The following RICTOR variants were observed in gnomAD, a reference collection of about 807,000 sequenced individuals.
RICTOR encodes the protein RPTOR independent companion of MTOR complex 2, also known as rapamycin-insensitive companion of mTOR.
In RICTOR, 49 loss-of-function variants were observed where a neutral mutation model predicts 214.9. The ratio of observed to expected loss-of-function variants is 0.23; its 90% CI spans 0.18 to 0.29. The LOEUF (loss-of-function observed/expected upper bound fraction) is 0.29, where lower values mean the gene tolerates loss of function less well. RICTOR is among the 10% of genes least tolerant of loss of function. The pLI is 1.00. For synonymous variants in RICTOR, 717 were observed against 711.3 expected (o/e 1.01, Z -0.13); for missense variants, 1,625 against 2,047.0 (o/e 0.79, Z 3.98).
rs115877557 is a variant in RICTOR, at chr5:39,026,105, G to A, written c.98-4969C>T. On this transcript the variant is annotated intron_variant, in intron 2 of 37. Coordinates refer to ENST00000357387, the MANE Select transcript of RICTOR (RefSeq NM_152756.5). ...AACTGTCTACGGATAACAGCACTAC[G>A]TGAAAAGTATCAGGTCAGAAATAAG... Among the ~76,000 whole-genome samples, 1,208 of 152,250 alleles carry A rather than the reference G, an allele frequency of 7.9e-3. 19 individuals are homozygous for A. The highest frequency in any genetic ancestry group is 0.027 in the African/African-American group (1,133 of 41,536).
chr5:39,014,006 T>C (rs567645843), intron 3 of RICTOR, among the ~76,000 whole-genome samples: 1 of 152,278 alleles, frequency 6.6e-6, no homozygotes, highest in South Asian at 2.1e-4. Flanking sequence ...ATCTTTTCTA[T>C]GTTTAGACAC....
At chr5:39,054,334 T>C (rs1054728742) in intron 2 of RICTOR, among the ~76,000 whole-genome samples, 3 of 152,060 alleles carry the variant, frequency 2.0e-5, no homozygotes, top group Non-Finnish European at 4.4e-5. Context: ...GCTGGATAGG[T>C]GGGACGACAG....
At chr5:38,949,403 G>T in intron 31 of RICTOR, 1 of 1,591,274 alleles carries the variant, frequency 6.3e-7, no homozygotes, top group African/African-American at 1.3e-5. Context: ...TGATTCCCCC[G>T]ACATGCTTCT....
chr5:39,037,306 A>G (rs1250071021), intron 2 of RICTOR, among the ~76,000 whole-genome samples: 1 of 152,122 alleles, frequency 6.6e-6, no homozygotes, highest in Non-Finnish European at 1.5e-5. Flanking sequence ...TCTCTGGGAC[A>G]CATTCAAAGC....
At chr5:39,002,382 TTGTG>T (rs112241926) in intron 5 of RICTOR, among the ~76,000 whole-genome samples, 149 bp downstream of exon 5, 10 of 146,942 alleles carry the variant, frequency 6.8e-5, no homozygotes, top group Admixed American at 6.8e-5. Context: ...TGTTACTTGG[TTGTG>T]TGTGTGTGTG....
rs764664745 is a variant in RICTOR at position 38,996,774 on chromosome 5, A to T, written c.456+45T>A. 28 of 1,210,578 alleles carry T rather than the reference A, an allele frequency of 2.3e-5. No homozygotes were observed. In the Admixed American group the frequency reaches 3.0e-4, roughly 13 times the overall value. The allele number at this position is 1,210,578 out of a possible 1,614,324, so 75.0% of individuals were successfully genotyped here. ...CTAATCTAAAAATGTAAATATTAAC[A>T]TAAAAACCATAAATTTGCCTTTTAC... On this transcript the variant is annotated intron_variant, in intron 6 of 37. Coordinates refer to ENST00000357387, the MANE Select transcript of RICTOR (RefSeq NM_152756.5).
intron 10 of RICTOR, among the ~76,000 whole-genome samples, chr5:38,975,263 ATTT>A (rs1751113231): frequency 6.6e-6 from 1 of 152,122 alleles, no homozygotes; most frequent in South Asian, 2.1e-4. Flanking sequence ...TCATGCTTAA[ATTT>A]TTTTAATTGC....
chr5:38,966,757 A>G (rs534766195), intron 14 of RICTOR, 36 bp from the exon 15 acceptor site: 8 of 1,127,628 alleles, frequency 7.1e-6, no homozygotes, highest in Admixed American at 6.6e-5. Context: ...CTGTTGCAAA[A>G]TAATACATAT....
chr5:38,955,736 G>A (rs1423679048), intron 25 of RICTOR, 32 bp from the exon 26 acceptor site: 10 of 1,142,202 alleles, frequency 8.8e-6, no homozygotes, highest in Non-Finnish European at 1.3e-5. Context: ...ATTGCACATA[G>A]TATCACAATG....
rs1346169512 is a variant in RICTOR at position 38,941,095 on chromosome 5, A to G, written c.*1209T>C. Reference sequence around the variant, plus strand: ...GCATATATGTTTAATTCCTGTAAAAAGTTCCAAATACCTTTAGACATATAC... The same window carrying G: ...GCATATATGTTTAATTCCTGTAAAAGGTTCCAAATACCTTTAGACATATAC... On this transcript the variant is annotated 3_prime_UTR_variant, in exon 38 of 38. Coordinates refer to ENST00000357387, the MANE Select transcript of RICTOR (RefSeq NM_152756.5). 1 of 232,808 alleles carries G rather than the reference A, an allele frequency of 4.3e-6. No individual in the cohort carries two copies. Among genetic ancestry groups the G allele is most frequent in the Non-Finnish European group, 8.5e-6 (1 of 117,614 alleles). 14.4% of individuals were successfully genotyped at this position (232,808 alleles called of 1,614,324 possible). A position where few individuals can be genotyped will look rare whatever the true frequency, so the allele number is the denominator to read the frequency against.
At chr5:38,972,676 G>A (rs922581950) in intron 10 of RICTOR, among the ~76,000 whole-genome samples, 35 of 152,114 alleles carry the variant, frequency 2.3e-4, no homozygotes, top group African/African-American at 8.2e-4. Context: ...AATAGTGTAA[G>A]TATTTTGGGA....
At chr5:39,069,248 T>C (rs1013422677) in intron 2 of RICTOR, among the ~76,000 whole-genome samples, 2 of 152,190 alleles carry the variant, frequency 1.3e-5, no homozygotes, top group East Asian at 1.9e-4. Flanking sequence ...CAAACTATTC[T>C]GTCTGTAGAG....
At chr5:39,034,466 A>C (rs10039230) in intron 2 of RICTOR, among the ~76,000 whole-genome samples, 9 of 152,068 alleles carry the variant, frequency 5.9e-5, no homozygotes, top group African/African-American at 1.9e-4. Flanking sequence ...CGGACAGCGG[A>C]TGCAGGACAG....
intron 2 of RICTOR, among the ~76,000 whole-genome samples, chr5:39,038,680 A>G (rs1415189151): frequency 6.6e-6 from 1 of 152,168 alleles, no homozygotes; most frequent in Admixed American, 6.5e-5. Context: ...CCAATAACAG[A>G]CAGACAGCCA....
chr5:39,047,231 T>G (rs932393641), intron 2 of RICTOR, among the ~76,000 whole-genome samples: 5 of 152,182 alleles, frequency 3.3e-5, no homozygotes, highest in African/African-American at 1.2e-4. Flanking sequence ...AAGACAGTTT[T>G]TCAATGGACA....
At position 38,950,591 on chromosome 5, in the gene RICTOR, G is replaced by A; in HGVS notation, c.3257C>T (p.Pro1086Leu). ...SGPIKDKNSF[P>L]FFASSKLVKN... ...CACAAGTTTACTAGAAGCAAAGAAA[G>A]GGAATGAATTTTTATCCTTTATGGG... Residue 1086 changes from proline (P) to leucine (L), a missense_variant, in exon 31 of 38, where the codon CCT becomes CTT. Pro to Leu is a moderately conservative substitution (Grantham distance 98, BLOSUM62 -3). This residue lies in a region of RICTOR where 1,214 missense variants were observed against 1,470.5 expected (regional missense o/e 0.83). Transcript: ENST00000357387. The A allele has an allele frequency of 6.2e-7, 1 of 1,613,264 alleles. No homozygotes were observed. Among genetic ancestry groups the A allele is most frequent in the Non-Finnish European group, 8.5e-7 (1 of 1,179,462 alleles).
chr5:38,979,276 A>G (rs1751505293), intron 8 of RICTOR, among the ~76,000 whole-genome samples: 1 of 152,178 alleles, frequency 6.6e-6, no homozygotes, highest in Non-Finnish European at 1.5e-5. Context: ...TAGCCTCCAG[A>G]GTAGCTGGGA....
chr5:38,993,801 G>C (rs1434172283), intron 6 of RICTOR, among the ~76,000 whole-genome samples: 2 of 152,086 alleles, frequency 1.3e-5, no homozygotes, highest in African/African-American at 4.8e-5. Flanking sequence ...ACATGAGCCA[G>C]AAGTAGAAAA....
Position 38,967,156 on chromosome 5 carries a change from C to T in RICTOR, c.1218+5G>A. Reference sequence around the variant, plus strand: ...ATGGAATAAAATAAGGTTTATAAGTCTTACCTCTAAAAGTCCATTACGAAT... The same window carrying T: ...ATGGAATAAAATAAGGTTTATAAGTTTTACCTCTAAAAGTCCATTACGAAT... On this transcript the variant is annotated splice_donor_5th_base_variant and intron_variant, in intron 14 of 37. Coordinates refer to ENST00000357387, the MANE Select transcript of RICTOR (RefSeq NM_152756.5). The T allele has an allele frequency of 1.3e-6, 2 of 1,583,260 alleles. No individual in the cohort carries two copies. The highest frequency in any genetic ancestry group is 2.2e-5 in the East Asian group (1 of 44,730).
Sources: allele counts gnomAD v4.1 joint callset (sites outside exome capture counted in the v4.1 genomes callset), GRCh38; gene constraint gnomAD v4.1.1; regional missense constraint gnomAD v4.1.1; transcripts MANE v1.5; gene names NCBI Gene and HGNC (gene_info 2026-07-23, HGNC 2026-07-21).